Variants in SEC24B observed in about 807,000 individuals in gnomAD.
SEC24B encodes SEC24 homolog B, COPII component.
Under a neutral mutation model 142.8 loss-of-function variants are expected in SEC24B, and 45 were observed. The ratio of observed to expected loss-of-function variants is 0.32; its 90% CI spans 0.25 to 0.40. The LOEUF (loss-of-function observed/expected upper bound fraction) is 0.40. SEC24B is among the 10% of genes least tolerant of loss of function. The probability of loss-of-function intolerance (pLI) is 1.00; values close to 1 mark genes in which losing one functional copy is unlikely to be tolerated. For missense variants in SEC24B, 1,409 were observed against 1,526.8 expected (o/e 0.92, Z 1.29); for synonymous variants, 574 against 568.2 (o/e 1.01, Z -0.15).
chr4:109,530,175 A>G (rs1221724233), intron 18 of SEC24B, 114 bp from the exon 19 acceptor site: 4 of 828,568 alleles, frequency 4.8e-6, no homozygotes, highest in East Asian at 2.6e-5. Context: ...GCATTTTTCC[A>G]TCCTAAAAAC....
chr4:109,481,224 T>C (rs1424393654), intron 3 of SEC24B, among the ~76,000 whole-genome samples: 1 of 152,060 alleles, frequency 6.6e-6, no homozygotes, highest in Non-Finnish European at 1.5e-5. Flanking sequence ...ACCATCAAGG[T>C]AACATTAGCA....
intron 16 of SEC24B, 124 bp from the exon 17 acceptor site, chr4:109,526,102 A>G: frequency 2.3e-6 from 2 of 881,604 alleles, no homozygotes; most frequent in Non-Finnish European, 3.6e-6. Flanking sequence ...CTATGCTTGA[A>G]CCTTGACTCC....
At chr4:109,482,115 C>T (rs910729930) in intron 4 of SEC24B, among the ~76,000 whole-genome samples, 4 of 152,116 alleles carry the variant, frequency 2.6e-5, no homozygotes, top group Non-Finnish European at 5.9e-5. Flanking sequence ...GCTCTAGCAT[C>T]GTTTTAGGAA....
At chr4:109,455,785 T>C (rs1191653635) in intron 1 of SEC24B, among the ~76,000 whole-genome samples, 2 of 152,044 alleles carry the variant, frequency 1.3e-5, no homozygotes, top group Non-Finnish European at 2.9e-5. Flanking sequence ...TAAATTGTTG[T>C]AACCTATAAA....
chr4:109,521,768 G>C, intron 14 of SEC24B, 142 bp downstream of exon 14: 1 of 679,692 alleles, frequency 1.5e-6, no homozygotes, highest in Non-Finnish European at 2.4e-6. Flanking sequence ...GTCTCACACT[G>C]TTGCCCAGGC....
At chr4:109,539,507 G>C in intron 23 of SEC24B, 54 bp from the exon 24 acceptor site, 1 of 1,050,778 alleles carries the variant, frequency 9.5e-7, no homozygotes, top group South Asian at 1.3e-5. Context: ...TTGCAAAGTG[G>C]TGAAATCAGG....
rs77333805 is a variant in SEC24B, at chr4:109,529,680, A to G, written c.3077-609A>G. 3.0e-3 allele frequency among the ~76,000 whole-genome samples: 461 copies of G among 152,326 alleles called. 4 individuals carry two copies. The highest frequency in any genetic ancestry group is 1.0e-2 in the African/African-American group (415 of 41,568). ...GTGTTTGAGTAATGGAAACCTTCCCAAGGCTTTTTCAGAAGTAAATGGAAA... is the reference window on the plus strand; with the variant it reads ...GTGTTTGAGTAATGGAAACCTTCCCGAGGCTTTTTCAGAAGTAAATGGAAA... On this transcript the variant is annotated intron_variant, in intron 18 of 23. Coordinates refer to ENST00000265175, the MANE Select transcript of SEC24B (RefSeq NM_006323.5).
Position 109,482,936 on chromosome 4 carries a change from CTATATATA to C in SEC24B, c.1165+1192_1165+1199del, listed in dbSNP as rs775978447. On this transcript the variant is annotated intron_variant, in intron 4 of 23. Coordinates refer to ENST00000265175, the MANE Select transcript of SEC24B (RefSeq NM_006323.5). Reference sequence around the variant, plus strand: ...CATGAGCTACCTTGCCAGGCTTGTACTATATATATATATATATATATATATATATATAT... The same window carrying C: ...CATGAGCTACCTTGCCAGGCTTGTACTATATATATATATATATATATATAT... Among the ~76,000 whole-genome samples the C allele has an allele frequency of 9.3e-3, 323 of 34,586 alleles. 7 individuals carry two copies. The highest frequency in any genetic ancestry group is 0.02 in the Middle Eastern group (1 of 50). The allele number at this position is 34,586 out of a possible 152,430, so 22.7% of individuals were successfully genotyped here.
chr4:109,440,159 GTAAACAAGGGTCTTA>G (rs1728808465), intron 1 of SEC24B, among the ~76,000 whole-genome samples: 1 of 150,734 alleles, frequency 6.6e-6, no homozygotes, highest in Non-Finnish European at 1.5e-5. Context: ...CACTCCATAT[GTAAACAAGGGTCTTA>G]TATCTGGGTT....
At chr4:109,490,977 A>G (rs1230370787) in intron 4 of SEC24B, among the ~76,000 whole-genome samples, 1 of 152,170 alleles carries the variant, frequency 6.6e-6, no homozygotes, top group African/African-American at 2.4e-5. Flanking sequence ...TATATTTGGT[A>G]GATGTAATCC....
At chr4:109,495,382 C>G (rs1204661056) in intron 6 of SEC24B, among the ~76,000 whole-genome samples, 1 of 152,136 alleles carries the variant, frequency 6.6e-6, no homozygotes, top group Non-Finnish European at 1.5e-5. Context: ...TGTCTGGGGT[C>G]TAAACCGGTG....
intron 4 of SEC24B, among the ~76,000 whole-genome samples, chr4:109,487,258 G>A (rs937020757): frequency 9.9e-5 from 15 of 152,220 alleles, no homozygotes; most frequent in African/African-American, 2.9e-4. Context: ...GGGCATACAG[G>A]AAAAGTTTGA....
At chr4:109,498,951 T>C (rs913763520) in intron 6 of SEC24B, among the ~76,000 whole-genome samples, 6 of 152,084 alleles carry the variant, frequency 3.9e-5, no homozygotes, top group Non-Finnish European at 8.8e-5. Context: ...AAATAAAAAT[T>C]AGAAAAATAT....
chr4:109,509,625 C>T (rs1262363041), intron 7 of SEC24B, among the ~76,000 whole-genome samples: 3 of 147,160 alleles, frequency 2.0e-5, no homozygotes, highest in South Asian at 2.1e-4. Flanking sequence ...TGCAGTGAGC[C>T]GAGATCGGGC....
Position 109,539,913 on chromosome 4 carries a change from A to G in SEC24B, c.*238A>G, listed in dbSNP as rs951188646. 6.4e-6 allele frequency: 3 copies of G among 467,436 alleles called. No homozygotes were observed. The highest frequency in any genetic ancestry group is 4.0e-5 in the African/African-American group (2 of 50,262). 29.0% of individuals were successfully genotyped at this position (467,436 alleles called of 1,614,324 possible). A position where few individuals can be genotyped will look rare whatever the true frequency, so the allele number is the denominator to read the frequency against. ...CCAAGTATATTTTGAATTGGTTTCT[A>G]CACATTTCCAGTAGTATGGCAGTAC... On this transcript the variant is annotated 3_prime_UTR_variant, in exon 24 of 24. Coordinates refer to ENST00000265175, the MANE Select transcript of SEC24B (RefSeq NM_006323.5).
intron 3 of SEC24B, among the ~76,000 whole-genome samples, chr4:109,477,228 G>A (rs1733270126): frequency 6.6e-6 from 1 of 150,790 alleles, no homozygotes; most frequent in Non-Finnish European, 1.5e-5. Flanking sequence ...TTCAAACTCA[G>A]TACTTGTTTT....
intron 2 of SEC24B, among the ~76,000 whole-genome samples, chr4:109,465,479 G>C (rs145784209): frequency 9.8e-4 from 150 of 152,288 alleles, no homozygotes; most frequent in African/African-American, 3.1e-3. Context: ...ACAGAGCTTG[G>C]CCTAGAGGTC....
At chr4:109,513,675 A>G in intron 9 of SEC24B, 72 bp from the exon 10 acceptor site, 1 of 806,652 alleles carries the variant, frequency 1.2e-6, no homozygotes, top group Non-Finnish European at 2.2e-6. Flanking sequence ...ATAGATATTT[A>G]TTTTTAGGTG....
At chr4:109,527,268 G>T in intron 17 of SEC24B, 54 bp from the exon 18 acceptor site, 1 of 1,165,246 alleles carries the variant, frequency 8.6e-7, no homozygotes. Context: ...TGACATGTTT[G>T]CTTTGCTTTA....
Sources: gnomAD v4.1 joint callset for allele counts (sites outside exome capture counted in the v4.1 genomes callset) on GRCh38, gnomAD v4.1.1 for gene constraint, MANE v1.5 for transcripts, NCBI Gene and HGNC (gene_info 2026-07-23, HGNC 2026-07-21) for gene names.